Variants in MED12L observed in about 807,000 individuals in gnomAD.
MED12L encodes mediator complex subunit 12L, also known as mediator of RNA polymerase II transcription subunit 12-like protein.
Under a neutral mutation model 281.3 loss-of-function variants are expected in MED12L, and 60 were observed. The ratio of observed to expected loss-of-function variants is 0.21; its 90% CI spans 0.17 to 0.26. MED12L has a LOEUF of 0.26. MED12L is among the 10% of genes least tolerant of loss of function. The probability of loss-of-function intolerance (pLI) is 1.00; values close to 1 mark genes in which losing one functional copy is unlikely to be tolerated. For synonymous variants in MED12L, 974 were observed against 987.2 expected, an observed-to-expected ratio of 0.99 and a Z score of 0.25; for missense variants, 2,146 against 2,680.9, an observed-to-expected ratio of 0.80 and a Z score of 4.41.
intron 16 of MED12L, chr3:151,214,345 A>G (rs774411137): frequency 3.8e-6 from 6 of 1,596,426 alleles, no homozygotes; most frequent in Non-Finnish European, 5.1e-6. Context: ...AGAGGCCTGA[A>G]AAGAGGTGTG....
chr3:151,368,696 TTTCATTTCATTTCATTTCATTTC>T (rs1560087701), intron 25 of MED12L, among the ~76,000 whole-genome samples: 96 of 54,838 alleles, frequency 1.8e-3, no homozygotes, highest in South Asian at 0.017. Context: ...TTTTATTTCA[TTTCATTTCATTTCATTTCATTTC>T]ATTTCATTTC....
chr3:151,216,622 C>A (rs1728282769), intron 16 of MED12L, among the ~76,000 whole-genome samples: 1 of 152,134 alleles, frequency 6.6e-6, no homozygotes, highest in Non-Finnish European at 1.5e-5. Context: ...AATGAGTACC[C>A]CAAATCACTT....
chr3:151,167,232 C>T (rs1269141550), intron 11 of MED12L, among the ~76,000 whole-genome samples: 1 of 152,090 alleles, frequency 6.6e-6, no homozygotes, highest in African/African-American at 2.4e-5. Flanking sequence ...ATGAATTGCC[C>T]CAAAACTAGG....
intron 11 of MED12L, among the ~76,000 whole-genome samples, chr3:151,167,418 T>C (rs1351498192): frequency 6.6e-6 from 1 of 152,258 alleles, no homozygotes; most frequent in Non-Finnish European, 1.5e-5. Context: ...ATCTTTGATA[T>C]TTCAACTGGC....
At chr3:151,219,890 T>TCC (rs1728979537) in intron 16 of MED12L, among the ~76,000 whole-genome samples, 4 of 35,112 alleles carry the variant, frequency 1.1e-4, no homozygotes, top group African/African-American at 1.2e-4. Context: ...TGGTTTATAT[T>TCC]ACCCCCCCCC....
At chr3:151,393,188 T>C (rs1034970210) in intron 38 of MED12L, among the ~76,000 whole-genome samples, 7 of 152,252 alleles carry the variant, frequency 4.6e-5, no homozygotes, top group Non-Finnish European at 8.8e-5. Context: ...CACAGGAACA[T>C]CTCTGCTTTT....
At position 151,172,093 on chromosome 3, in the gene MED12L, G is replaced by C. The variant is rs141214001; in HGVS notation, c.1494+6111G>C. Among the ~76,000 whole-genome samples the C allele has an allele frequency of 2.3e-3, 347 of 152,296 alleles. 2 individuals are homozygous for C. Among genetic ancestry groups the C allele is most frequent in the African/African-American group, 7.7e-3 (322 of 41,556 alleles). ...GAATCTGTATATATCAGTCTTAGAC[G>C]AATGCTTAGATTCAGATGTGGGAGA... On this transcript the variant is annotated intron_variant, in intron 11 of 44. Coordinates refer to ENST00000687756, the MANE Select transcript of MED12L (RefSeq NM_001393769.1).
At chr3:151,108,234 T>TG (rs1711495967) in intron 2 of MED12L, among the ~76,000 whole-genome samples, 1 of 15,434 alleles carries the variant, frequency 6.5e-5, no homozygotes, top group Admixed American at 1.0e-3. Flanking sequence ...TTGGTAGGGG[T>TG]GGGGTGAGGG....
At chr3:151,132,601 G>A (rs943203152) in intron 5 of MED12L, among the ~76,000 whole-genome samples, 5 of 152,026 alleles carry the variant, frequency 3.3e-5, no homozygotes, top group Non-Finnish European at 5.9e-5. Flanking sequence ...GGTGTCTATC[G>A]GATTTTTCTC....
chr3:151,248,545 C>T (rs1452974816), intron 16 of MED12L, among the ~76,000 whole-genome samples: 1 of 152,074 alleles, frequency 6.6e-6, no homozygotes, highest in Non-Finnish European at 1.5e-5. Context: ...ATACCAAATA[C>T]TAATTTTGTC....
rs1248031284 is a variant in MED12L at position 151,378,055 on chromosome 3, G to T, written c.4360G>T (p.Ala1454Ser). The change falls in exon 31 of 45, where the codon GCC becomes TCC. Residue 1454 changes from alanine (A) to serine (S), a missense_variant. Ala to Ser is a moderately conservative substitution (Grantham distance 99, BLOSUM62 1). Around this residue, in one of 9 missense-constraint regions of MED12L, gnomAD observed 212 missense variants for 340.8 expected, o/e 0.62. Coordinates refer to ENST00000687756, the MANE Select transcript of MED12L (RefSeq NM_001393769.1). ...TGTATGGTTGGTGGCCCCCCTCATCGCCAGGTTGCCAACTTCTGTGCAAGG... is the reference window on the plus strand; with the variant it reads ...TGTATGGTTGGTGGCCCCCCTCATCTCCAGGTTGCCAACTTCTGTGCAAGG... ...RGVWLVAPLIARLPTSVQGRV... is the reference protein window; with the variant it reads ...RGVWLVAPLISRLPTSVQGRV... The T allele has an allele frequency of 6.8e-6, 11 of 1,610,028 alleles. No homozygotes were observed. Among genetic ancestry groups the T allele is most frequent in the South Asian group, 2.2e-5 (2 of 90,534 alleles).
At chr3:151,180,243 C>G (rs923802643) in intron 11 of MED12L, among the ~76,000 whole-genome samples, 2 of 152,288 alleles carry the variant, frequency 1.3e-5, no homozygotes, top group Admixed American at 6.5e-5. Flanking sequence ...GAAATTGGGA[C>G]TACAACTGCA....
At chr3:151,374,547 C>CAAAG (rs35163871) in intron 27 of MED12L, among the ~76,000 whole-genome samples, 42,225 of 150,874 alleles carry the variant, frequency 0.28, 6,799 homozygotes, top group Non-Finnish European at 0.36. Flanking sequence ...GACTCTGTCT[C>CAAAG]AAAGAAAGAA....
In MED12L at chr3:151,390,057, T is replaced by G. The variant is rs770367313; in HGVS notation, c.5530T>G (p.Ser1844Ala). The change falls in exon 38 of 45, where the codon TCC (serine) becomes GCC (alanine). Residue 1844 changes from serine (S) to alanine (A), a missense_variant. Ser to Ala is a moderately conservative substitution (Grantham distance 99, BLOSUM62 1). This residue lies in a region of MED12L where 496 missense variants were observed against 512.0 expected (regional missense o/e 0.97). Coordinates refer to ENST00000687756, the MANE Select transcript of MED12L (RefSeq NM_001393769.1). ...CTCCCAAATGATGCACCATCCACAG[T>G]CCACCTTGTGGGGTTACAACCTCGT... is the stretch of plus-strand genomic sequence containing the variant. ...ISSQMMHHPQ[S>A]TLWGYNLVGQ... The G allele has an allele frequency of 6.2e-7, 1 of 1,614,086 alleles. No homozygotes were observed. The highest frequency in any genetic ancestry group is 8.5e-7 in the Non-Finnish European group (1 of 1,179,912).
intron 16 of MED12L, among the ~76,000 whole-genome samples, chr3:151,210,026 G>A (rs1726908121): frequency 6.6e-6 from 1 of 152,202 alleles, no homozygotes; most frequent in South Asian, 2.1e-4. Flanking sequence ...TCTTCAGTGT[G>A]CCTTCCATGG....
chr3:151,307,766 G>A (rs1247727635), intron 16 of MED12L, among the ~76,000 whole-genome samples: 1 of 152,106 alleles, frequency 6.6e-6, no homozygotes, highest in Non-Finnish European at 1.5e-5. Context: ...GCAAAACCAG[G>A]AAATGAGCTC....
intron 43 of MED12L, among the ~76,000 whole-genome samples, chr3:151,427,008 G>A (rs1401436088): frequency 6.6e-6 from 1 of 151,972 alleles, no homozygotes; most frequent in Non-Finnish European, 1.5e-5. Context: ...TGTAGAGATG[G>A]CGATTTGCCA....
chr3:151,341,369 A>G (rs1054776172), intron 16 of MED12L, among the ~76,000 whole-genome samples: 6 of 152,060 alleles, frequency 3.9e-5, no homozygotes, highest in African/African-American at 1.4e-4. Context: ...TGTGTCGTTC[A>G]TGCTTTTCTT....
Position 151,143,871 on chromosome 3 carries a change from GTTAA to G in MED12L, c.557-12285_557-12282del, listed in dbSNP as rs570008431. On this transcript the variant is annotated intron_variant, in intron 5 of 44. Coordinates refer to ENST00000687756, the MANE Select transcript of MED12L (RefSeq NM_001393769.1). ...AGGCTGTGGGGATATGTCCTAAGTG[GTTAA>G]TTAAGTGCACCAATTTAATATTTGT... Among the ~76,000 whole-genome samples the G allele has an allele frequency of 7.5e-3, 1,138 of 152,270 alleles. 5 individuals carry two copies. Among genetic ancestry groups the G allele is most frequent in the Non-Finnish European group, 0.013 (869 of 68,022 alleles).
Sources: allele counts gnomAD v4.1 joint callset (sites outside exome capture counted in the v4.1 genomes callset), GRCh38; gene constraint gnomAD v4.1.1; regional missense constraint gnomAD v4.1.1; transcripts MANE v1.5; gene names NCBI Gene and HGNC (gene_info 2026-07-23, HGNC 2026-07-21).